The following SH2D4A variants were observed in gnomAD, a reference collection of about 807,000 sequenced individuals.
The protein encoded by SH2D4A is SH2 domain-containing protein 4A.
SH2D4A carries 70 observed loss-of-function variants against 64.7 expected under a neutral mutation model. That is an observed-to-expected ratio of 1.08 (90% CI 0.89 to 1.32). The LOEUF (loss-of-function observed/expected upper bound fraction) is 1.32. SH2D4A is among the 40% of genes most tolerant of loss of function. The probability of loss-of-function intolerance (pLI) is 0.00; values close to 1 mark genes in which losing one functional copy is unlikely to be tolerated. For synonymous variants in SH2D4A, 268 were observed against 200.7 expected (o/e 1.34, Z -2.83); for missense variants, 706 against 540.1 (o/e 1.31, Z -3.04).
At chr8:19,333,216 T>C in intron 3 of SH2D4A, 102 bp downstream of exon 3, 2 of 1,378,068 alleles carry the variant, frequency 1.5e-6, no homozygotes, top group Non-Finnish European at 1.9e-6. Context: ...GAGAGTAGGG[T>C]TGGGTTGGAG....
At chr8:19,339,350 G>A (rs1159362743) in intron 4 of SH2D4A, among the ~76,000 whole-genome samples, 1 of 152,048 alleles carries the variant, frequency 6.6e-6, no homozygotes, top group Admixed American at 6.6e-5. Flanking sequence ...GACACACCTA[G>A]GAACAATATT....
At chr8:19,316,049 G>C (rs911726405) in intron 1 of SH2D4A, among the ~76,000 whole-genome samples, 5 of 152,160 alleles carry the variant, frequency 3.3e-5, no homozygotes, top group Non-Finnish European at 5.9e-5. Context: ...TGGGTGTACT[G>C]TGCTGAGCTT....
At position 19,363,518 on chromosome 8, in the gene SH2D4A, A is replaced by G. The variant is rs926193795; in HGVS notation, c.707-554A>G. 2.0e-5 allele frequency among the ~76,000 whole-genome samples: 3 copies of G among 152,246 alleles called. No individual in the cohort carries two copies. In the East Asian group the frequency reaches 5.8e-4, roughly 29 times the overall value. On this transcript the variant is annotated intron_variant, in intron 6 of 9. Transcript: ENST00000265807. ...ACTTGGGGTACTTTTTTGTGTACTA[A>G]TGTGTCCTACAATTACCTGTGGTTA...
intron 4 of SH2D4A, among the ~76,000 whole-genome samples, chr8:19,355,472 T>C (rs1281589547): frequency 6.6e-6 from 1 of 152,114 alleles, no homozygotes; most frequent in Admixed American, 6.5e-5. Context: ...ACAATGAGAA[T>C]ATGGTAAATA....
intron 4 of SH2D4A, among the ~76,000 whole-genome samples, chr8:19,339,804 A>G (rs1422335417): frequency 6.6e-6 from 1 of 152,194 alleles, no homozygotes; most frequent in African/African-American, 2.4e-5. Flanking sequence ...CCCAGCCCCT[A>G]TACATTTTTC....
chr8:19,346,206 C>T (rs1362921173), intron 4 of SH2D4A, among the ~76,000 whole-genome samples: 2 of 152,212 alleles, frequency 1.3e-5, no homozygotes, highest in Admixed American at 6.5e-5. Context: ...GGGCAGTATC[C>T]TATAAGGCAG....
intron 3 of SH2D4A, 144 bp downstream of exon 3, chr8:19,333,258 A>T: frequency 1.1e-6 from 1 of 876,524 alleles, no homozygotes; most frequent in Non-Finnish European, 1.6e-6. Flanking sequence ...TCTCTTTGGA[A>T]GGTTGATTTA....
chr8:19,331,652 C>T (rs1258342518), intron 2 of SH2D4A, among the ~76,000 whole-genome samples: 1 of 152,194 alleles, frequency 6.6e-6, no homozygotes, highest in Non-Finnish European at 1.5e-5. Context: ...ATCTCTGAGG[C>T]AGCCATATAA....
In SH2D4A at chr8:19,371,489, T is replaced by C. The variant is rs1025699796; in HGVS notation, c.918-2041T>C. On this transcript the variant is annotated intron_variant, in intron 7 of 9. Transcript: ENST00000265807. The stretch of plus-strand genomic sequence containing the variant: ...TTTGCTGCTTTTCTTTAGCTGCTTT[T>C]AGGATCCTCTATTTGTCTCTGCACT... 2.0e-5 allele frequency among the ~76,000 whole-genome samples: 3 copies of C among 152,190 alleles called. No homozygotes were observed. The East Asian group carries it at 5.8e-4, about 29-fold the overall frequency.
At chr8:19,367,852 G>C (rs1373382556) in intron 7 of SH2D4A, among the ~76,000 whole-genome samples, 2 of 152,084 alleles carry the variant, frequency 1.3e-5, no homozygotes, top group African/African-American at 4.8e-5. Context: ...GGGGTGGGAG[G>C]ATTGCTTGAG....
intron 7 of SH2D4A, among the ~76,000 whole-genome samples, chr8:19,364,924 A>C (rs2052966358): frequency 6.6e-6 from 1 of 152,178 alleles, no homozygotes; most frequent in Admixed American, 6.5e-5. Context: ...AAACTGTAGA[A>C]AAGTGCAATG....
At chr8:19,357,322 C>G in intron 5 of SH2D4A, 39 bp downstream of exon 5, 3 of 1,369,046 alleles carry the variant, frequency 2.2e-6, no homozygotes, top group East Asian at 2.3e-5. Context: ...GGCTGCATAC[C>G]TAGGCATTTC....
intron 7 of SH2D4A, among the ~76,000 whole-genome samples, chr8:19,371,521 G>A (rs1278875818): frequency 2.6e-5 from 4 of 152,108 alleles, no homozygotes; most frequent in African/African-American, 9.7e-5. Flanking sequence ...CACTCTGAGG[G>A]TTTGATTATA....
intron 8 of SH2D4A, among the ~76,000 whole-genome samples, chr8:19,388,515 T>C (rs761725512): frequency 2.0e-5 from 3 of 152,164 alleles, no homozygotes; most frequent in Non-Finnish European, 4.4e-5. Flanking sequence ...TTCTCACCAA[T>C]TATTTGAGGA....
At chr8:19,334,926 A>G (rs1204602513) in intron 4 of SH2D4A, 69 bp downstream of exon 4, 11 of 1,481,932 alleles carry the variant, frequency 7.4e-6, no homozygotes, top group Non-Finnish European at 9.9e-6. Flanking sequence ...GAGGCCACAG[A>G]GACTACTGTG....
chr8:19,316,909 A>T (rs1035371807), intron 1 of SH2D4A, among the ~76,000 whole-genome samples: 1 of 152,230 alleles, frequency 6.6e-6, no homozygotes, highest in African/African-American at 2.4e-5. Flanking sequence ...GAGTTAACAC[A>T]TGTAGAGTGC....
intron 8 of SH2D4A, among the ~76,000 whole-genome samples, chr8:19,378,328 T>C (rs2053230443): frequency 1.3e-5 from 2 of 152,242 alleles, no homozygotes; most frequent in African/African-American, 2.4e-5. Context: ...TGTTGTATCA[T>C]GCACAATCCA....
intron 4 of SH2D4A, among the ~76,000 whole-genome samples, chr8:19,336,385 C>T (rs77780393): frequency 0.036 from 5,540 of 152,166 alleles, 159 homozygotes; most frequent in South Asian, 0.095. Flanking sequence ...TTTGGTTTTT[C>T]ATCTCAAGGT....
At chr8:19,383,363 T>A (rs1585208177) in intron 8 of SH2D4A, among the ~76,000 whole-genome samples, 1 of 152,084 alleles carries the variant, frequency 6.6e-6, no homozygotes, top group East Asian at 1.9e-4. Flanking sequence ...TTCATTTTAG[T>A]TATACTTTCA....
Sources: gnomAD v4.1 joint callset for allele counts (sites outside exome capture counted in the v4.1 genomes callset) on GRCh38, gnomAD v4.1.1 for gene constraint, MANE v1.5 for transcripts, NCBI Gene and HGNC (gene_info 2026-07-23, HGNC 2026-07-21) for gene names.